The following MGLL variants were observed in gnomAD, a reference collection of about 807,000 sequenced individuals.
MGLL encodes the protein monoglyceride lipase.
In MGLL, 7 loss-of-function variants were observed where a neutral mutation model predicts 29.1. The observed-to-expected ratio is 0.24, with a 90% confidence interval of 0.14 to 0.45. MGLL has a LOEUF of 0.45. Ranked by LOEUF, MGLL falls within the 20% of genes least tolerant of loss-of-function variation. MGLL has a pLI of 0.99. For synonymous variants in MGLL, 148 were observed against 168.3 expected (o/e 0.88, Z 0.93); for missense variants, 356 against 413.6 (o/e 0.86, Z 1.21).
At chr3:127,818,365 A>G (rs866914087) in intron 2 of MGLL, among the ~76,000 whole-genome samples, 4 of 149,782 alleles carry the variant, frequency 2.7e-5, no homozygotes, top group South Asian at 2.1e-4. Flanking sequence ...CAGAAGGGAT[A>G]CCTATCTCTA....
At chr3:127,695,641 G>A (rs1017017160) in intron 6 of MGLL, among the ~76,000 whole-genome samples, 5 of 152,194 alleles carry the variant, frequency 3.3e-5, no homozygotes, top group Admixed American at 3.3e-4. Flanking sequence ...CTACTTGGGA[G>A]GCTGAGGTGG....
intron 5 of MGLL, among the ~76,000 whole-genome samples, chr3:127,715,267 C>T (rs550924583): frequency 2.6e-5 from 4 of 152,300 alleles, no homozygotes; most frequent in South Asian, 2.1e-4. Flanking sequence ...GAGGTGTACA[C>T]GTCCCTGCAG....
intron 3 of MGLL, among the ~76,000 whole-genome samples, chr3:127,726,717 A>C (rs1008164934): frequency 6.6e-6 from 1 of 152,194 alleles, no homozygotes; most frequent in Admixed American, 6.5e-5. Flanking sequence ...GGTGTGAGCC[A>C]CCGCGCCTGG....
At chr3:127,791,647 G>C (rs543608932) in intron 2 of MGLL, among the ~76,000 whole-genome samples, 2 of 152,296 alleles carry the variant, frequency 1.3e-5, no homozygotes, top group African/African-American at 4.8e-5. Flanking sequence ...ATTAACATGG[G>C]CTGTTTATCT....
intron 3 of MGLL, among the ~76,000 whole-genome samples, chr3:127,772,952 G>A: frequency 6.6e-6 from 1 of 152,158 alleles, no homozygotes; most frequent in Non-Finnish European, 1.5e-5. Context: ...CCTTGACCTT[G>A]GACTTCCCAG....
chr3:127,717,410 G>C (rs1027140559), intron 5 of MGLL, among the ~76,000 whole-genome samples: 13 of 152,232 alleles, frequency 8.5e-5, no homozygotes. Context: ...ACTCGAGCAA[G>C]ACATTTGGCC....
At chr3:127,812,130 A>G (rs1482029400) in intron 2 of MGLL, among the ~76,000 whole-genome samples, 1 of 152,250 alleles carries the variant, frequency 6.6e-6, no homozygotes, top group East Asian at 1.9e-4. Flanking sequence ...AGACTGGAAT[A>G]CCTTAAGACA....
At chr3:127,795,759 C>T (rs1340401407) in intron 2 of MGLL, among the ~76,000 whole-genome samples, 1 of 152,098 alleles carries the variant, frequency 6.6e-6, no homozygotes, top group Non-Finnish European at 1.5e-5. Flanking sequence ...AGAATGCACA[C>T]ACCAACTCAC....
chr3:127,751,053 G>A (rs1389874462), intron 3 of MGLL, among the ~76,000 whole-genome samples: 3 of 152,180 alleles, frequency 2.0e-5, no homozygotes, highest in South Asian at 4.1e-4. Context: ...GTTTCTGGGT[G>A]TCTGGATTAC....
chr3:127,768,183 A>C (rs2076890368), intron 3 of MGLL, among the ~76,000 whole-genome samples: 1 of 152,150 alleles, frequency 6.6e-6, no homozygotes, highest in South Asian at 2.1e-4. Context: ...CGTAAAGAAC[A>C]CTCCAGGCCT....
At chr3:127,754,643 C>A (rs538025791) in intron 3 of MGLL, among the ~76,000 whole-genome samples, 64 of 152,304 alleles carry the variant, frequency 4.2e-4, no homozygotes, top group African/African-American at 1.5e-3. Context: ...GCTGTTGGTC[C>A]CAGTGGGCAC....
chr3:127,791,505 C>A (rs1309765309), intron 2 of MGLL, among the ~76,000 whole-genome samples: 1 of 152,160 alleles, frequency 6.6e-6, no homozygotes, highest in African/African-American at 2.4e-5. Flanking sequence ...ATCCCCCTAC[C>A]CCGACCCCTA....
intron 2 of MGLL, among the ~76,000 whole-genome samples, chr3:127,804,148 C>A (rs1426081315): frequency 1.3e-5 from 2 of 152,058 alleles, no homozygotes; most frequent in African/African-American, 4.8e-5. Context: ...GGCGTGTAAA[C>A]AATCAAGGTT....
chr3:127,782,039 A>G (rs989606070), intron 2 of MGLL, 144 bp from the exon 3 acceptor site: 1 of 739,020 alleles, frequency 1.4e-6, no homozygotes, highest in Non-Finnish European at 2.4e-6. Flanking sequence ...TGACCAACAT[A>G]GTGAAACCCC....
intron 3 of MGLL, among the ~76,000 whole-genome samples, chr3:127,757,815 C>T (rs191368758): frequency 3.3e-5 from 5 of 152,186 alleles, no homozygotes; most frequent in African/African-American, 9.6e-5. Flanking sequence ...TGTTCAGCCA[C>T]GTGTCATCGA....
At chr3:127,694,916 T>C in intron 7 of MGLL, 59 bp downstream of exon 7, 1 of 1,553,196 alleles carries the variant, frequency 6.4e-7, no homozygotes, top group Non-Finnish European at 8.9e-7. Context: ...CCCCAAGGGG[T>C]GCTGCCTTCC....
intron 7 of MGLL, 139 bp from the exon 8 acceptor site, chr3:127,692,462 C>T: frequency 2.0e-6 from 2 of 1,021,592 alleles, no homozygotes; most frequent in Non-Finnish European, 2.9e-6. Flanking sequence ...CCTGACCTCC[C>T]ATTATTAGGA....
chr3:127,737,920 C>T (rs2076272930), intron 3 of MGLL, among the ~76,000 whole-genome samples: 1 of 152,040 alleles, frequency 6.6e-6, no homozygotes. Flanking sequence ...CATGAGCCAC[C>T]GCCCATCAAC....
chr3:127,689,414 C>A lies in MGLL; in HGVS notation c.*2784G>T, dbSNP rs2075206026. ...AAGGGAGGGAGGCTGACTCTCTACC[C>A]CTCACCTCTGCAAGGAACTGAGGCC... is the stretch of plus-strand genomic sequence containing the variant. On this transcript the variant is annotated 3_prime_UTR_variant, in exon 8 of 8. Coordinates refer to ENST00000265052, the MANE Select transcript of MGLL (RefSeq NM_007283.7). 6.6e-6 allele frequency: 1 copy of A among 152,198 alleles called. No homozygotes were observed. The highest frequency in any genetic ancestry group is 1.5e-5 in the Non-Finnish European group (1 of 68,060). The allele number at this position is 152,198 out of a possible 1,614,324, so 9.4% of individuals were successfully genotyped here. A position where few individuals can be genotyped will look rare whatever the true frequency, so the allele number is the denominator to read the frequency against.
Sources: gnomAD v4.1 joint callset for allele counts (sites outside exome capture counted in the v4.1 genomes callset) on GRCh38, gnomAD v4.1.1 for gene constraint, MANE v1.5 for transcripts, NCBI Gene and HGNC (gene_info 2026-07-23, HGNC 2026-07-21) for gene names.